Variants in CSMD1 observed in about 807,000 individuals in gnomAD.
The protein encoded by CSMD1 is CUB and sushi domain-containing protein 1.
Under a neutral mutation model 417.5 loss-of-function variants are expected in CSMD1, and 213 were observed. The observed-to-expected ratio is 0.51, with a 90% CI of 0.46 to 0.57. CSMD1 has a LOEUF of 0.57. CSMD1 is among the 20% of genes least tolerant of loss of function. The pLI, the probability that CSMD1 is intolerant of heterozygous loss-of-function variation, is 0.00. For missense variants in CSMD1, 6,923 were observed against 4,529.7 expected (o/e 1.53, Z -15.17); for synonymous variants, 2,862 against 1,736.8 (o/e 1.65, Z -16.11).
chr8:3,032,489 T>C (rs1308634456), intron 50 of CSMD1, among the ~76,000 whole-genome samples: 2 of 151,998 alleles, frequency 1.3e-5, no homozygotes, highest in African/African-American at 2.4e-5. Context: ...CCAAAGAATG[T>C]CCTTTATCTT....
At position 4,729,711 on chromosome 8, in the gene CSMD1, C is replaced by G. The variant is rs575231041; in HGVS notation, c.86-92153G>C. On this transcript the variant is annotated intron_variant, in intron 1 of 69. Transcript: ENST00000635120. ...TGAAAGTTCCAGTGGCTTTTCAAAG[C>G]TGTGCTTACAACTCAAAGTTCCTAT... Among the ~76,000 whole-genome samples, 8 of 152,286 alleles carry G rather than the reference C, an allele frequency of 5.3e-5. No individual in the cohort carries two copies. In the South Asian group the frequency reaches 1.7e-3, roughly 32 times the overall value.
At chr8:3,690,885 TATAA>T (rs1217402649) in intron 7 of CSMD1, among the ~76,000 whole-genome samples, 6 of 152,318 alleles carry the variant, frequency 3.9e-5, no homozygotes, top group African/African-American at 1.2e-4. Context: ...TCATTTAATG[TATAA>T]ATAAATTAAA....
chr8:4,380,781 A>C, intron 3 of CSMD1, among the ~76,000 whole-genome samples: 1 of 149,500 alleles, frequency 6.7e-6, no homozygotes, highest in East Asian at 2.0e-4. Context: ...AACAAAAAGT[A>C]TATTTAAAAA....
At chr8:4,229,928 A>T (rs1019062548) in intron 3 of CSMD1, among the ~76,000 whole-genome samples, 2 of 152,198 alleles carry the variant, frequency 1.3e-5, no homozygotes, top group Non-Finnish European at 2.9e-5. Context: ...TGATTGAGTG[A>T]ATATCTTACA....
intron 3 of CSMD1, among the ~76,000 whole-genome samples, chr8:4,305,167 T>C (rs1260722598): frequency 6.6e-6 from 1 of 152,336 alleles, no homozygotes; most frequent in Admixed American, 6.5e-5. Context: ...AGATAGTTTT[T>C]AACCCAATTA....
chr8:3,069,818 C>G (rs1446572027), intron 49 of CSMD1, among the ~76,000 whole-genome samples: 2 of 152,336 alleles, frequency 1.3e-5, no homozygotes, highest in East Asian at 3.9e-4. Flanking sequence ...TTGGCACTGC[C>G]CTAGTAGAGG....
chr8:3,460,154 A>G (rs549374241), intron 12 of CSMD1, among the ~76,000 whole-genome samples: 1 of 152,302 alleles, frequency 6.6e-6, no homozygotes, highest in East Asian at 1.9e-4. Context: ...GTGTAGCAGC[A>G]AATCACATAA....
chr8:3,267,612 A>G (rs1250835838), intron 26 of CSMD1, among the ~76,000 whole-genome samples: 1 of 152,186 alleles, frequency 6.6e-6, no homozygotes, highest in African/African-American at 2.4e-5. Flanking sequence ...ATCGCTGCTG[A>G]TAGGAAAGAA....
At chr8:3,450,929 C>A (rs913080786) in intron 12 of CSMD1, among the ~76,000 whole-genome samples, 1 of 152,044 alleles carries the variant, frequency 6.6e-6, no homozygotes, top group Non-Finnish European at 1.5e-5. Flanking sequence ...ACAGTCTCAC[C>A]AACAGTGTAA....
At chr8:3,188,116 A>T in intron 35 of CSMD1, 151 bp from the exon 36 acceptor site, 1 of 267,680 alleles carries the variant, frequency 3.7e-6, no homozygotes, top group Non-Finnish European at 7.0e-6. Context: ...ACACCTTAAT[A>T]ATGCCTCCAA....
chr8:4,612,395 C>G (rs756938544), intron 2 of CSMD1, among the ~76,000 whole-genome samples: 1 of 152,094 alleles, frequency 6.6e-6, no homozygotes. Flanking sequence ...CAAGTCTACA[C>G]TGGAATTCCA....
At chr8:4,692,353 C>A (rs1806821604) in intron 1 of CSMD1, among the ~76,000 whole-genome samples, 1 of 152,046 alleles carries the variant, frequency 6.6e-6, no homozygotes, top group Non-Finnish European at 1.5e-5. Flanking sequence ...CAAAGTAAAA[C>A]AACAAAACGA....
rs148517559 is a variant in CSMD1 at position 4,579,875 on chromosome 8, A to T, written c.302+57467T>A. On this transcript the variant is annotated intron_variant, in intron 2 of 69. Transcript: ENST00000635120. ...ATTTCCCAAGTGTAAAACTTTACCT[A>T]GTTTTCCTAAGTCTTATAAGGGTAT... is the stretch of plus-strand genomic sequence containing the variant. Among the ~76,000 whole-genome samples the T allele has an allele frequency of 3.9e-5, 6 of 152,168 alleles. No homozygotes were observed. The East Asian group carries it at 5.8e-4, about 15-fold the overall frequency.
intron 1 of CSMD1, among the ~76,000 whole-genome samples, chr8:4,841,703 G>A (rs1267915484): frequency 1.3e-5 from 2 of 151,950 alleles, no homozygotes; most frequent in South Asian, 2.1e-4. Flanking sequence ...CTGAGGTCAG[G>A]AGTTGGAGAC....
chr8:3,997,869 T>A (rs777119953), intron 5 of CSMD1, 34 bp downstream of exon 5: 57 of 1,578,300 alleles, frequency 3.6e-5, no homozygotes, highest in Non-Finnish European at 3.9e-5. Context: ...AAAACACACC[T>A]GTATCCTTTG....
chr8:3,785,779 A>C (rs747704664), intron 5 of CSMD1, among the ~76,000 whole-genome samples: 1 of 152,166 alleles, frequency 6.6e-6, no homozygotes, highest in East Asian at 1.9e-4. Context: ...GGAACCTGGA[A>C]GAGTAGGTAG....
At chr8:4,013,197 C>G (rs544044409) in intron 4 of CSMD1, among the ~76,000 whole-genome samples, 33 of 152,230 alleles carry the variant, frequency 2.2e-4, no homozygotes, top group Non-Finnish European at 4.4e-4. Context: ...AGGGCCCACT[C>G]CTATCCTCTG....
At chr8:4,696,336 T>C (rs1013705247) in intron 1 of CSMD1, among the ~76,000 whole-genome samples, 8 of 152,192 alleles carry the variant, frequency 5.3e-5, no homozygotes, top group African/African-American at 1.9e-4. Context: ...GACTCTTAGA[T>C]TATTGTTTAG....
At chr8:2,993,742 C>A (rs186167587) in intron 54 of CSMD1, among the ~76,000 whole-genome samples, 2 of 152,158 alleles carry the variant, frequency 1.3e-5, no homozygotes, top group African/African-American at 4.8e-5. Flanking sequence ...AGTTTTAGGA[C>A]GTAGACTGAG....
Sources: gnomAD v4.1 joint callset for allele counts (sites outside exome capture counted in the v4.1 genomes callset) on GRCh38, gnomAD v4.1.1 for gene constraint, MANE v1.5 for transcripts, NCBI Gene and HGNC (gene_info 2026-07-23, HGNC 2026-07-21) for gene names.